The following CSMD1 variants were observed in gnomAD, a reference collection of about 807,000 sequenced individuals.
The protein encoded by CSMD1 is CUB and sushi domain-containing protein 1.
Under a neutral mutation model 417.5 loss-of-function variants are expected in CSMD1, and 213 were observed. The ratio of observed to expected loss-of-function variants is 0.51; its 90% CI spans 0.46 to 0.57. The LOEUF is 0.57. Among genes scored for constraint, CSMD1 ranks in the 20% least tolerant of loss-of-function variants. The pLI, the probability that CSMD1 is intolerant of heterozygous loss-of-function variation, is 0.00. For synonymous variants in CSMD1, 2,862 were observed against 1,736.8 expected (o/e 1.65, Z -16.11); for missense variants, 6,923 against 4,529.7 (o/e 1.53, Z -15.17).
intron 3 of CSMD1, among the ~76,000 whole-genome samples, chr8:4,144,730 T>G (rs1804006845): frequency 6.6e-6 from 1 of 151,110 alleles, no homozygotes; most frequent in Admixed American, 6.6e-5. Flanking sequence ...ATTGACCTCT[T>G]CCAACTTTCT....
intron 7 of CSMD1, among the ~76,000 whole-genome samples, chr8:3,620,997 C>G (rs1457144696): frequency 1.3e-5 from 2 of 152,012 alleles, no homozygotes; most frequent in Non-Finnish European, 2.9e-5. Context: ...TAAGGTGAGC[C>G]CTAATCCAAC....
At chr8:3,188,039 G>A in intron 35 of CSMD1, 74 bp from the exon 36 acceptor site, 1 of 979,368 alleles carries the variant, frequency 1.0e-6, no homozygotes, top group Non-Finnish European at 1.5e-6. Context: ...GGGGTTTTGG[G>A]GTTTTTCATG....
intron 5 of CSMD1, among the ~76,000 whole-genome samples, chr8:3,959,183 T>C (rs918390695): frequency 6.6e-6 from 1 of 152,214 alleles, no homozygotes; most frequent in African/African-American, 2.4e-5. Context: ...GGGCATCTTT[T>C]TAAAAACTGA....
intron 6 of CSMD1, among the ~76,000 whole-genome samples, chr8:3,731,979 A>G (rs17067208): frequency 0.2 from 29,946 of 152,176 alleles, 3,039 homozygotes; most frequent in African/African-American, 0.24. Flanking sequence ...AACTCAGCAG[A>G]TATTTAAAGA....
intron 10 of CSMD1, among the ~76,000 whole-genome samples, chr8:3,493,996 G>C (rs971083398): frequency 9.2e-5 from 14 of 152,242 alleles, no homozygotes; most frequent in East Asian, 7.7e-4. Flanking sequence ...AACACTTTAA[G>C]CCAAATATCT....
At chr8:4,685,337 GC>G (rs1806302379) in intron 1 of CSMD1, among the ~76,000 whole-genome samples, 1 of 152,184 alleles carries the variant, frequency 6.6e-6, no homozygotes, top group Non-Finnish European at 1.5e-5. Flanking sequence ...ACTTTGGGAG[GC>G]TGAGGCAGGC....
chr8:4,053,947 A>G (rs930443996), intron 3 of CSMD1, among the ~76,000 whole-genome samples: 1 of 152,196 alleles, frequency 6.6e-6, no homozygotes, highest in Non-Finnish European at 1.5e-5. Flanking sequence ...ATATCTGTGC[A>G]TTCTTTATTA....
chr8:4,776,208 G>C (rs1585080541), intron 1 of CSMD1, among the ~76,000 whole-genome samples: 1 of 151,974 alleles, frequency 6.6e-6, no homozygotes, highest in South Asian at 2.1e-4. Flanking sequence ...GGTCACTCTA[G>C]GAAGTATTTT....
At chr8:3,605,208 T>C (rs912855868) in intron 8 of CSMD1, among the ~76,000 whole-genome samples, 2 of 152,196 alleles carry the variant, frequency 1.3e-5, no homozygotes, top group African/African-American at 4.8e-5. Context: ...ACTAGGCTGG[T>C]CTCGAGCTCC....
At chr8:3,330,334 A>C (rs11776410) in intron 23 of CSMD1, among the ~76,000 whole-genome samples, 3 of 152,060 alleles carry the variant, frequency 2.0e-5, no homozygotes, top group Admixed American at 1.3e-4. Flanking sequence ...AGCAAAGACA[A>C]AGACTCAATC....
chr8:4,165,095 A>G (rs1797378080), intron 3 of CSMD1, among the ~76,000 whole-genome samples: 1 of 152,084 alleles, frequency 6.6e-6, no homozygotes, highest in African/African-American at 2.4e-5. Context: ...GTGTGTTTAG[A>G]GAAACTAAGA....
intron 11 of CSMD1, among the ~76,000 whole-genome samples, chr8:3,471,182 G>C (rs545671544): frequency 6.6e-6 from 1 of 152,106 alleles, no homozygotes; most frequent in Admixed American, 6.6e-5. Flanking sequence ...CGGTGTTGTC[G>C]GCATTTTTCC....
rs1811207401 is a variant in CSMD1 at position 3,042,954 on chromosome 8, A to G, written c.7660+9508T>C. Among the ~76,000 whole-genome samples the G allele has an allele frequency of 2.6e-5, 4 of 151,884 alleles. No homozygotes were observed. The South Asian group carries it at 6.2e-4, about 24-fold the overall frequency. On this transcript the variant is annotated intron_variant, in intron 50 of 69. Coordinates refer to ENST00000635120, the MANE Select transcript of CSMD1 (RefSeq NM_033225.6). ...ATATAGTATATATAGTGATATACAT[A>G]TAGTGATATATACAGATTATATAGT...
At chr8:4,848,909 T>A (rs951397649) in intron 1 of CSMD1, among the ~76,000 whole-genome samples, 7 of 152,250 alleles carry the variant, frequency 4.6e-5, no homozygotes, top group African/African-American at 1.7e-4. Flanking sequence ...TATATTGTAC[T>A]TTTTATTGTT....
chr8:3,594,619 C>A (rs557476193), intron 8 of CSMD1, among the ~76,000 whole-genome samples: 3 of 152,272 alleles, frequency 2.0e-5, no homozygotes, highest in East Asian at 1.9e-4. Context: ...CCAGTAGATA[C>A]AATGACTTAG....
intron 1 of CSMD1, among the ~76,000 whole-genome samples, chr8:4,969,881 T>C (rs973183733): frequency 6.6e-6 from 1 of 152,050 alleles, no homozygotes; most frequent in African/African-American, 2.4e-5. Flanking sequence ...TCACTACGAG[T>C]GTATCAAAAT....
intron 3 of CSMD1, among the ~76,000 whole-genome samples, chr8:4,367,394 C>T (rs886741861): frequency 2.6e-5 from 4 of 151,988 alleles, no homozygotes; most frequent in African/African-American, 7.2e-5. Flanking sequence ...TTTCTGGGTC[C>T]TCTCTCATTT....
At chr8:3,938,913 A>G (rs369958733) in intron 5 of CSMD1, among the ~76,000 whole-genome samples, 10 of 152,168 alleles carry the variant, frequency 6.6e-5, no homozygotes, top group East Asian at 5.8e-4. Context: ...TCAATACTCT[A>G]TCATTCTCAA....
chr8:4,609,315 T>G (rs566690720), intron 2 of CSMD1, among the ~76,000 whole-genome samples: 3 of 152,196 alleles, frequency 2.0e-5, no homozygotes, highest in African/African-American at 7.2e-5. Flanking sequence ...GTGGGAGGAT[T>G]GCTGGAGCCT....
Sources: gnomAD v4.1 joint callset for allele counts (sites outside exome capture counted in the v4.1 genomes callset) on GRCh38, gnomAD v4.1.1 for gene constraint, MANE v1.5 for transcripts, NCBI Gene and HGNC (gene_info 2026-07-23, HGNC 2026-07-21) for gene names.